The following DOCK2 variants were observed in gnomAD, a reference collection of about 807,000 sequenced individuals.
DOCK2 encodes dedicator of cytokinesis 2.
In DOCK2, 87 loss-of-function variants were observed where a neutral mutation model predicts 248.9. The observed-to-expected ratio is 0.35, with a 90% CI of 0.29 to 0.42. The LOEUF is 0.42. Ranked by LOEUF, DOCK2 falls within the 10% of genes least tolerant of loss-of-function variation. The probability of loss-of-function intolerance (pLI) is 1.00; values close to 1 mark genes in which losing one functional copy is unlikely to be tolerated. For synonymous variants in DOCK2, 805 were observed against 821.6 expected (o/e 0.98, Z 0.35); for missense variants, 1,747 against 2,300.2 (o/e 0.76, Z 4.92).
chr5:169,807,081 T>G (rs532047319), intron 26 of DOCK2, among the ~76,000 whole-genome samples: 2 of 152,236 alleles, frequency 1.3e-5, no homozygotes, highest in East Asian at 1.9e-4. Flanking sequence ...GTCCCCGGCT[T>G]GCAAAGCGAC....
chr5:169,646,217 T>C (rs1757453707), intron 1 of DOCK2, among the ~76,000 whole-genome samples: 1 of 152,204 alleles, frequency 6.6e-6, no homozygotes, highest in Admixed American at 6.5e-5. Context: ...CCATTGCTTC[T>C]TTTTGTCAGG....
intron 25 of DOCK2, among the ~76,000 whole-genome samples, chr5:169,798,856 C>G (rs1026815531): frequency 6.6e-6 from 1 of 152,158 alleles, no homozygotes; most frequent in Non-Finnish European, 1.5e-5. Context: ...CCTGTAGGTC[C>G]AACTGACCTC....
At chr5:169,817,016 C>T (rs1255781276) in intron 26 of DOCK2, among the ~76,000 whole-genome samples, 5 of 152,172 alleles carry the variant, frequency 3.3e-5, no homozygotes, top group Admixed American at 3.3e-4. Context: ...CAGTCCCACT[C>T]GTTCCTATTG....
intron 7 of DOCK2, among the ~76,000 whole-genome samples, chr5:169,682,887 C>T (rs1348173733): frequency 2.0e-5 from 3 of 152,122 alleles, no homozygotes; most frequent in South Asian, 2.1e-4. Flanking sequence ...TAAGTGGAAT[C>T]GTGCAGTATT....
intron 27 of DOCK2, among the ~76,000 whole-genome samples, chr5:169,846,679 C>T: frequency 6.6e-6 from 1 of 151,954 alleles, no homozygotes; most frequent in Non-Finnish European, 1.5e-5. Context: ...TATACACACA[C>T]ACATATATAT....
At chr5:169,848,213 C>T (rs1413046175) in intron 27 of DOCK2, among the ~76,000 whole-genome samples, 1 of 152,148 alleles carries the variant, frequency 6.6e-6, no homozygotes, top group Non-Finnish European at 1.5e-5. Flanking sequence ...ATGGATTGCA[C>T]CTTGAGCCCT....
chr5:169,700,415 T>A (rs552914042), intron 13 of DOCK2, among the ~76,000 whole-genome samples: 1 of 152,358 alleles, frequency 6.6e-6, no homozygotes, highest in African/African-American at 2.4e-5. Context: ...TATATAGTAT[T>A]CTACAACTTG....
chr5:169,962,490 G>A (rs548789738), intron 27 of DOCK2, among the ~76,000 whole-genome samples: 1 of 152,246 alleles, frequency 6.6e-6, no homozygotes, highest in South Asian at 2.1e-4. Context: ...AATTCCAACT[G>A]AGCATCTTGA....
intron 25 of DOCK2, among the ~76,000 whole-genome samples, chr5:169,783,811 T>A (rs1302899380): frequency 6.6e-6 from 1 of 152,234 alleles, no homozygotes; most frequent in East Asian, 1.9e-4. Flanking sequence ...ATAAACCTGC[T>A]TAAATGTGCC....
chr5:169,916,936 T>G (rs1774903997), intron 27 of DOCK2, among the ~76,000 whole-genome samples: 1 of 152,204 alleles, frequency 6.6e-6, no homozygotes, highest in South Asian at 2.1e-4. Context: ...GCCACTATGC[T>G]GTAAAGAAAT....
At chr5:169,723,062 C>T (rs1387852678) in intron 22 of DOCK2, among the ~76,000 whole-genome samples, 2 of 152,162 alleles carry the variant, frequency 1.3e-5, no homozygotes, top group African/African-American at 4.8e-5. Context: ...CTGTGGTGCC[C>T]GGGTCTCTGG....
intron 27 of DOCK2, among the ~76,000 whole-genome samples, chr5:169,842,382 G>A (rs1049447941): frequency 3.3e-5 from 5 of 152,124 alleles, no homozygotes; most frequent in African/African-American, 1.2e-4. Context: ...TTGAGAGACA[G>A]AGTCTCACTC....
intron 27 of DOCK2, among the ~76,000 whole-genome samples, chr5:169,841,073 C>T (rs145984793): frequency 6.8e-4 from 104 of 152,176 alleles, no homozygotes; most frequent in African/African-American, 2.3e-3. Context: ...AGTGTACCAG[C>T]GCTAAATTGA....
chr5:169,831,141 C>A (rs1475257140), intron 26 of DOCK2, among the ~76,000 whole-genome samples: 3 of 152,126 alleles, frequency 2.0e-5, no homozygotes, highest in African/African-American at 7.2e-5. Flanking sequence ...CCTCCTCCCT[C>A]CCACTCAGTG....
At chr5:170,001,390 C>T (rs1754826699) in intron 30 of DOCK2, among the ~76,000 whole-genome samples, 1 of 152,106 alleles carries the variant, frequency 6.6e-6, no homozygotes, top group Non-Finnish European at 1.5e-5. Context: ...CAGTGACAAC[C>T]TTAACCAACA....
chr5:170,023,871 C>A (rs1755813858), intron 33 of DOCK2, among the ~76,000 whole-genome samples: 1 of 152,180 alleles, frequency 6.6e-6, no homozygotes, highest in Non-Finnish European at 1.5e-5. Context: ...AGCAATCACT[C>A]CCCAAATCTC....
chr5:169,808,362 T>C (rs1767528367), intron 26 of DOCK2, among the ~76,000 whole-genome samples: 1 of 152,138 alleles, frequency 6.6e-6, no homozygotes, highest in South Asian at 2.1e-4. Flanking sequence ...ATTGTCATTG[T>C]TTGGGTAATT....
intron 27 of DOCK2, among the ~76,000 whole-genome samples, chr5:169,962,834 C>T (rs567740975): frequency 1.3e-5 from 2 of 152,188 alleles, no homozygotes; most frequent in South Asian, 4.2e-4. Context: ...GAAAGGGTAT[C>T]GAGGCCAGAC....
Position 169,698,505 on chromosome 5 carries a change from G to A in DOCK2, c.1055+56G>A, listed in dbSNP as rs1282553877. The A allele has an allele frequency of 3.1e-6, 5 of 1,589,198 alleles. No homozygotes were observed. In the East Asian group the frequency reaches 9.0e-5, roughly 29 times the overall value. On this transcript the variant is annotated intron_variant, in intron 11 of 51. Coordinates refer to ENST00000520908, the MANE Select transcript of DOCK2 (RefSeq NM_004946.3). ...TTCAACCACACCCTTTGTCATCAAG[G>A]GCTGCTGGAGCTCAGAGGGTACCAG...
Sources: gnomAD v4.1 joint callset for allele counts (sites outside exome capture counted in the v4.1 genomes callset) on GRCh38, gnomAD v4.1.1 for gene constraint, MANE v1.5 for transcripts, NCBI Gene and HGNC (gene_info 2026-07-23, HGNC 2026-07-21) for gene names.